The following ANO6 variants were observed in gnomAD, a reference collection of about 807,000 sequenced individuals.
The protein encoded by ANO6 is anoctamin 6.
Under a neutral mutation model 117.5 loss-of-function variants are expected in ANO6, and 106 were observed. The observed-to-expected ratio is 0.90, with a 90% confidence interval of 0.77 to 1.06. The LOEUF (loss-of-function observed/expected upper bound fraction) is 1.06, where lower values mean the gene tolerates loss of function less well. Ranked by LOEUF, ANO6 falls within the 50% of genes least tolerant of loss-of-function variation. The probability of loss-of-function intolerance (pLI) is 0.00; values close to 1 mark genes in which losing one functional copy is unlikely to be tolerated. For synonymous variants in ANO6, 367 were observed against 385.1 expected, an observed-to-expected ratio of 0.95 and a Z score of 0.55; for missense variants, 955 against 1,121.1, an observed-to-expected ratio of 0.85 and a Z score of 2.12.
At position 45,305,941 on chromosome 12, in the gene ANO6, G is replaced by C. The variant is rs138911574; in HGVS notation, c.150+3848G>C. On this transcript the variant is annotated intron_variant, in intron 2 of 19. Coordinates refer to ENST00000320560, the MANE Select transcript of ANO6 (RefSeq NM_001025356.3). ...AATAACTGGAGGTGCAGGGGGAGCA[G>C]TAATGGTCAAGGCTATTTCTAGAAA... 1.9e-3 allele frequency among the ~76,000 whole-genome samples: 290 copies of C among 152,200 alleles called. 1 individual carries two copies. Among genetic ancestry groups the C allele is most frequent in the African/African-American group, 6.8e-3 (281 of 41,536 alleles).
At chr12:45,326,899 C>T (rs776525958) in intron 2 of ANO6, among the ~76,000 whole-genome samples, 1 of 152,152 alleles carries the variant, frequency 6.6e-6, no homozygotes, top group Non-Finnish European at 1.5e-5. Context: ...CTCTCATAAC[C>T]AGTCTCTCCA....
intron 2 of ANO6, among the ~76,000 whole-genome samples, chr12:45,302,388 T>G (rs1939523899): frequency 6.6e-6 from 1 of 152,220 alleles, no homozygotes; most frequent in African/African-American, 2.4e-5. Flanking sequence ...GTTCCATTCA[T>G]TGATACCATT....
At chr12:45,223,509 G>A (rs1423531969) in intron 1 of ANO6, among the ~76,000 whole-genome samples, 2 of 152,164 alleles carry the variant, frequency 1.3e-5, no homozygotes, top group Non-Finnish European at 2.9e-5. Context: ...CCCCTCCCAA[G>A]TCTGTCACAA....
chr12:45,330,979 C>T (rs11182982), intron 2 of ANO6, among the ~76,000 whole-genome samples: 1 of 151,534 alleles, frequency 6.6e-6, no homozygotes, highest in Non-Finnish European at 1.5e-5. Context: ...TTACTATGTT[C>T]GTTTTCAATC....
Position 45,431,672 on chromosome 12 carries a change from G to A in ANO6, c.*2361G>A, listed in dbSNP as rs1047718269. Reference sequence around the variant, plus strand: ...CACAGTGTTTGTTAGTGAGTCCACGGCTGACTTGCAGTGATAAAGAAAAGC... The same window carrying A: ...CACAGTGTTTGTTAGTGAGTCCACGACTGACTTGCAGTGATAAAGAAAAGC... On this transcript the variant is annotated 3_prime_UTR_variant, in exon 20 of 20. Transcript: ENST00000320560. The A allele has an allele frequency of 7.1e-6, 7 of 985,330 alleles. No individual in the cohort carries two copies. Among genetic ancestry groups the A allele is most frequent in the Non-Finnish European group, 7.2e-6 (6 of 829,944 alleles). The allele number at this position is 985,330 out of a possible 1,614,324, so 61.0% of individuals were successfully genotyped here. A position where few individuals can be genotyped will look rare whatever the true frequency, so the allele number is the denominator to read the frequency against.
chr12:45,413,874 T>G (rs1311562728), intron 16 of ANO6, among the ~76,000 whole-genome samples: 3 of 152,106 alleles, frequency 2.0e-5, no homozygotes, highest in African/African-American at 7.2e-5. Flanking sequence ...AGTTTTTTTG[T>G]TTTTCAATAT....
intron 1 of ANO6, among the ~76,000 whole-genome samples, chr12:45,268,935 G>A (rs1168288354): frequency 1.3e-5 from 2 of 152,186 alleles, no homozygotes; most frequent in Non-Finnish European, 2.9e-5. Context: ...CCACCCATTG[G>A]CAAGGGGCCA....
At chr12:45,271,086 G>A (rs117139126) in intron 1 of ANO6, among the ~76,000 whole-genome samples, 1,835 of 152,228 alleles carry the variant, frequency 0.012, 15 homozygotes, top group Middle Eastern at 0.02. Flanking sequence ...AAGCAAGAAG[G>A]ACTTCCCACC....
At chr12:45,240,742 C>T (rs548968306) in intron 1 of ANO6, among the ~76,000 whole-genome samples, 1 of 152,036 alleles carries the variant, frequency 6.6e-6, no homozygotes, top group Admixed American at 6.5e-5. Flanking sequence ...GTAAGGCAGG[C>T]CTGGTGGTGA....
Position 45,310,151 on chromosome 12 carries a change from G to A in ANO6, c.150+8058G>A, listed in dbSNP as rs538729719. Reference sequence around the variant, plus strand: ...AATTTATGGATTTGTTAGGATTGGGGAGTATGAGCAAAAGTGCAGCAGTTT... The same window carrying A: ...AATTTATGGATTTGTTAGGATTGGGAAGTATGAGCAAAAGTGCAGCAGTTT... On this transcript the variant is annotated intron_variant, in intron 2 of 19. Coordinates refer to ENST00000320560, the MANE Select transcript of ANO6 (RefSeq NM_001025356.3). Among the ~76,000 whole-genome samples, 32 of 152,204 alleles carry A rather than the reference G, an allele frequency of 2.1e-4. No individual in the cohort carries two copies. In the South Asian group the frequency reaches 3.7e-3, roughly 18 times the overall value.
At chr12:45,388,917 TA>T (rs1236897299) in intron 11 of ANO6, among the ~76,000 whole-genome samples, 1 of 152,176 alleles carries the variant, frequency 6.6e-6, no homozygotes, top group African/African-American at 2.4e-5. Flanking sequence ...ACTCCAAAGA[TA>T]AAAAACTATA....
At chr12:45,352,171 AAATG>A (rs1941295898) in intron 7 of ANO6, among the ~76,000 whole-genome samples, 1 of 152,166 alleles carries the variant, frequency 6.6e-6, no homozygotes, top group Admixed American at 6.5e-5. Flanking sequence ...AGTTTTAAAC[AAATG>A]AATGTTTGTT....
chr12:45,353,862 G>T (rs1941344121), intron 7 of ANO6, among the ~76,000 whole-genome samples: 1 of 144,900 alleles, frequency 6.9e-6, no homozygotes, highest in Non-Finnish European at 1.5e-5. Context: ...CTAGCTCTTG[G>T]AAACTGAAAA....
Position 45,431,000 on chromosome 12 carries a change from A to G in ANO6, c.*1689A>G. 2 of 985,456 alleles carry G rather than the reference A, an allele frequency of 2.0e-6. No individual in the cohort carries two copies. The allele number at this position is 985,456 out of a possible 1,614,324, so 61.0% of individuals were successfully genotyped here. A position where few individuals can be genotyped will look rare whatever the true frequency, so the allele number is the denominator to read the frequency against. On this transcript the variant is annotated 3_prime_UTR_variant, in exon 20 of 20. Coordinates refer to ENST00000320560, the MANE Select transcript of ANO6 (RefSeq NM_001025356.3). ...TTTTAGAGGCTTTTTACAATAAAGTAGCGTAACTCTAGGTCATGATTGATT... is the reference window on the plus strand; with the variant it reads ...TTTTAGAGGCTTTTTACAATAAAGTGGCGTAACTCTAGGTCATGATTGATT...
intron 8 of ANO6, among the ~76,000 whole-genome samples, chr12:45,363,621 A>G (rs559529295): frequency 4.7e-4 from 72 of 152,164 alleles, no homozygotes; most frequent in African/African-American, 1.7e-3. Context: ...GGCAGCTGAT[A>G]TGATTTGGCT....
At chr12:45,418,499 A>C (rs1240522893) in intron 17 of ANO6, among the ~76,000 whole-genome samples, 2 of 152,218 alleles carry the variant, frequency 1.3e-5, no homozygotes, top group African/African-American at 2.4e-5. Flanking sequence ...CTAGTACACT[A>C]AGCTGGACAA....
chr12:45,425,858 G>A (rs1255152373), intron 19 of ANO6, among the ~76,000 whole-genome samples: 1 of 152,164 alleles, frequency 6.6e-6, no homozygotes, highest in African/African-American at 2.4e-5. Flanking sequence ...TAGATGCAAA[G>A]ATCTTTCTAA....
At chr12:45,307,731 T>C (rs1328281512) in intron 2 of ANO6, among the ~76,000 whole-genome samples, 1 of 151,926 alleles carries the variant, frequency 6.6e-6, no homozygotes, top group African/African-American at 2.4e-5. Flanking sequence ...GGGGCACCAG[T>C]GTTTACAGGT....
rs1257004687 is a variant in ANO6, at chr12:45,422,851, G to C, written c.2421-106G>C. 7.0e-6 allele frequency: 6 copies of C among 862,588 alleles called. No homozygotes were observed. The Admixed American group carries it at 1.1e-4, about 16-fold the overall frequency. 53.4% of individuals were successfully genotyped at this position (862,588 alleles called of 1,614,324 possible). On this transcript the variant is annotated intron_variant, in intron 18 of 19. Transcript: ENST00000320560. Reference sequence around the variant, plus strand: ...AGCCTCCCAAAGTGCTAGGATTACAGGCATGAGCCACTGCACCCGGCATGA... The same window carrying C: ...AGCCTCCCAAAGTGCTAGGATTACACGCATGAGCCACTGCACCCGGCATGA...
Sources: gnomAD v4.1 joint callset for allele counts (sites outside exome capture counted in the v4.1 genomes callset) on GRCh38, gnomAD v4.1.1 for gene constraint, MANE v1.5 for transcripts, NCBI Gene and HGNC (gene_info 2026-07-23, HGNC 2026-07-21) for gene names.